Variants in CUBN observed in about 807,000 individuals in gnomAD.
CUBN encodes cubilin, also known as 460 kDa receptor.
CUBN carries 282 observed loss-of-function variants against 405.3 expected under a neutral mutation model. The ratio of observed to expected loss-of-function variants is 0.70; its 90% CI spans 0.63 to 0.77. CUBN has a LOEUF of 0.77. Ranked by LOEUF, CUBN falls within the 30% of genes least tolerant of loss-of-function variation. The probability of loss-of-function intolerance (pLI) is 0.00; values close to 1 mark genes in which losing one functional copy is unlikely to be tolerated. For missense variants in CUBN, 4,514 were observed against 4,475.2 expected (o/e 1.01, Z -0.25); for synonymous variants, 1,684 against 1,617.0 (o/e 1.04, Z -0.99).
intron 60 of CUBN, among the ~76,000 whole-genome samples, chr10:16,848,690 C>CATT (rs1839590463): frequency 1.9e-5 from 1 of 53,368 alleles, no homozygotes. Context: ...CTCTCCCAGC[C>CATT]TTTTTTTTTT....
At chr10:17,000,963 T>C (rs1833861647) in intron 28 of CUBN, among the ~76,000 whole-genome samples, 1 of 152,090 alleles carries the variant, frequency 6.6e-6, no homozygotes, top group Admixed American at 6.5e-5. Flanking sequence ...AGTGTTACAG[T>C]TCTTAAAGAT....
chr10:16,890,271 C>T (rs1371987529), intron 55 of CUBN, 100 bp downstream of exon 55: 3 of 1,122,848 alleles, frequency 2.7e-6, no homozygotes, highest in East Asian at 4.7e-5. Context: ...CGTAGACCCC[C>T]ATACTCCTCC....
At chr10:16,912,993 G>C (rs562258774) in intron 48 of CUBN, among the ~76,000 whole-genome samples, 2 of 152,164 alleles carry the variant, frequency 1.3e-5, no homozygotes, top group Non-Finnish European at 2.9e-5. Flanking sequence ...AGTGAACGGT[G>C]GGGGTATTAG....
intron 62 of CUBN, among the ~76,000 whole-genome samples, chr10:16,836,964 C>G (rs1839189617): frequency 6.6e-6 from 1 of 152,110 alleles, no homozygotes; most frequent in African/African-American, 2.4e-5. Context: ...TGGGTAAAAA[C>G]AAGTTGTACC....
Position 17,026,647 on chromosome 10 carries a change from T to A in CUBN, c.4018-6664A>T, listed in dbSNP as rs927911173. Among the ~76,000 whole-genome samples the A allele has an allele frequency of 8.2e-4, 121 of 147,860 alleles. 1 individual carries two copies. The highest frequency in any genetic ancestry group is 2.4e-3 in the Admixed American group (35 of 14,890). On this transcript the variant is annotated intron_variant, in intron 27 of 66. Coordinates refer to ENST00000377833, the MANE Select transcript of CUBN (RefSeq NM_001081.4). The stretch of plus-strand genomic sequence containing the variant: ...AGATTCTCTCAAAAAAAAAAATAAA[T>A]AAATAAATAATAAGAATCACAGAGG...
intron 48 of CUBN, among the ~76,000 whole-genome samples, chr10:16,913,390 G>T (rs1462751315): frequency 9.2e-5 from 14 of 152,106 alleles, no homozygotes; most frequent in Admixed American, 7.9e-4. Context: ...ACGTAGCAGT[G>T]CTCTCCCACC....
rs761779962 is a variant in CUBN, at chr10:17,084,394, C to T, written c.2178G>A (p.Gly726=). The change falls in exon 17 of 67, where the codon GGG becomes GGA. Residue 726 remains glycine (G), a synonymous_variant. Coordinates refer to ENST00000377833, the MANE Select transcript of CUBN (RefSeq NM_001081.4). ...CGCATTGCCTGGTGTGAGTGAAAGG[C>T]CCAGACAACTCAGGCAAGAAGAGTT... The part of the protein sequence containing the change: ...EGELFLPELS[G]PFTHTRQCVY... 2.5e-6 allele frequency: 4 copies of T among 1,614,074 alleles called. No homozygotes were observed. The South Asian group carries it at 3.3e-5, about 13-fold the overall frequency.
rs1838731462 is a variant in CUBN, at chr10:16,824,968, T to C, written c.*7A>G. 2.5e-6 allele frequency: 4 copies of C among 1,606,472 alleles called. No individual in the cohort carries two copies. Among genetic ancestry groups the C allele is most frequent in the Non-Finnish European group, 3.4e-6 (4 of 1,173,094 alleles). ...AAAGTGCTGAGTGAACACGAGTTGT[T>C]ACCCACTTAGCTGTCCCAAGTTAAT... On this transcript the variant is annotated 3_prime_UTR_variant, in exon 67 of 67. Coordinates refer to ENST00000377833, the MANE Select transcript of CUBN (RefSeq NM_001081.4).
At chr10:16,829,413 G>A (rs1207081427) in intron 65 of CUBN, among the ~76,000 whole-genome samples, 1 of 151,238 alleles carries the variant, frequency 6.6e-6, no homozygotes, top group East Asian at 2.0e-4. Context: ...GTGTGCTTTC[G>A]ATGGTGTAGA....
rs1282002625 is a variant in CUBN, at chr10:16,825,026, A to T, written c.10821T>A (p.His3607Gln). The change falls in exon 67 of 67, where the codon CAT becomes CAA. Residue 3607 changes from histidine to glutamine, a missense_variant. This residue lies in a region of CUBN where 1,186 missense variants were observed against 1,186.9 expected (regional missense o/e 1.00). Transcript: ENST00000377833. ...CGGATGGACGCCGTGCATAATCAGC[A>T]TGAAATTTTATGAAGACCTGATTTG... is the stretch of plus-strand genomic sequence containing the variant. The part of the protein sequence containing the change: ...ASSNQVFIKF[H>Q]ADYARRPSAF... 6.2e-7 allele frequency: 1 copy of T among 1,614,058 alleles called. No homozygotes were observed. The highest frequency in any genetic ancestry group is 8.5e-7 in the Non-Finnish European group (1 of 1,179,968).
intron 7 of CUBN, 67 bp from the exon 8 acceptor site, chr10:17,114,256 T>C (rs1396741572): frequency 6.7e-7 from 1 of 1,499,966 alleles, no homozygotes; most frequent in East Asian, 2.3e-5. Flanking sequence ...CTTTGAACAT[T>C]TCATCAAGCC....
intron 60 of CUBN, among the ~76,000 whole-genome samples, chr10:16,848,089 A>C (rs1165717447): frequency 1.3e-5 from 2 of 152,240 alleles, no homozygotes; most frequent in African/African-American, 4.8e-5. Context: ...TTTATTTGAA[A>C]AAAACGATAT....
At chr10:16,893,476 A>G (rs537652586) in intron 54 of CUBN, among the ~76,000 whole-genome samples, 110 of 152,246 alleles carry the variant, frequency 7.2e-4, no homozygotes, top group African/African-American at 2.5e-3. Flanking sequence ...TGAAATTCCA[A>G]TACCACAGGA....
At chr10:17,103,359 C>T in intron 12 of CUBN, 122 bp from the exon 13 acceptor site, 2 of 697,626 alleles carry the variant, frequency 2.9e-6, no homozygotes, top group South Asian at 3.0e-5. Context: ...GAGATAAAAG[C>T]CCTGCCATTC....
chr10:16,835,617 T>TTTTC (rs1839145625), intron 63 of CUBN, among the ~76,000 whole-genome samples: 1 of 151,842 alleles, frequency 6.6e-6, no homozygotes, highest in Admixed American at 6.6e-5. Flanking sequence ...TTTACCTTTT[T>TTTTC]TTTTTTTTTG....
chr10:16,847,325 G>A (rs577323056), intron 60 of CUBN, among the ~76,000 whole-genome samples: 4 of 151,884 alleles, frequency 2.6e-5, no homozygotes, highest in Non-Finnish European at 4.4e-5. Flanking sequence ...GGTGGCGGGC[G>A]CCTGTAGTCC....
chr10:16,827,085 T>G (rs1344888163), intron 66 of CUBN, among the ~76,000 whole-genome samples: 1 of 152,158 alleles, frequency 6.6e-6, no homozygotes, highest in Non-Finnish European at 1.5e-5. Flanking sequence ...TGATTACCAT[T>G]TCTCACCAAG....
In CUBN at chr10:17,023,379, GAA is replaced by G. The variant is rs137856627; in HGVS notation, c.4018-3398_4018-3397del. 2.6e-3 allele frequency among the ~76,000 whole-genome samples: 367 copies of G among 142,236 alleles called. 3 individuals are homozygous for G. The East Asian group carries it at 0.04, about 15-fold the overall frequency. The allele number at this position is 142,236 out of a possible 152,430, so 93.3% of individuals were successfully genotyped here. A position where few individuals can be genotyped will look rare whatever the true frequency, so the allele number is the denominator to read the frequency against. ...ATGTGTAGAACAATGTCTCGAAAAG[GAA>G]AAAAAAAAAAACTCATACCTCGTTT... On this transcript the variant is annotated intron_variant, in intron 27 of 66. Coordinates refer to ENST00000377833, the MANE Select transcript of CUBN (RefSeq NM_001081.4).
chr10:17,030,976 T>C (rs1834773737), intron 27 of CUBN, among the ~76,000 whole-genome samples: 1 of 152,200 alleles, frequency 6.6e-6, no homozygotes, highest in African/African-American at 2.4e-5. Context: ...AAAGTCTTTA[T>C]TCTCTGTAAT....
Sources: gnomAD v4.1 joint callset for allele counts (sites outside exome capture counted in the v4.1 genomes callset) on GRCh38, gnomAD v4.1.1 for gene constraint, gnomAD v4.1.1 regional missense constraint, MANE v1.5 for transcripts, NCBI Gene and HGNC (gene_info 2026-07-23, HGNC 2026-07-21) for gene names.